NXN: variants seen among roughly 807,000 people sequenced by gnomAD.
NXN encodes nucleoredoxin.
Under a neutral mutation model 48.6 loss-of-function variants are expected in NXN, and 16 were observed. The ratio of observed to expected loss-of-function variants is 0.33; its 90% confidence interval spans 0.22 to 0.50. The LOEUF (loss-of-function observed/expected upper bound fraction) is 0.50, where lower values mean the gene tolerates loss of function less well. Ranked by LOEUF, NXN falls within the 20% of genes least tolerant of loss-of-function variation. The probability of loss-of-function intolerance (pLI) is 0.98; values close to 1 mark genes in which losing one functional copy is unlikely to be tolerated. For synonymous variants in NXN, 281 were observed against 269.6 expected, an observed-to-expected ratio of 1.04 and a Z score of -0.41; for missense variants, 492 against 605.5, an observed-to-expected ratio of 0.81 and a Z score of 1.97.
At chr17:970,623 C>G (rs1344359252) in intron 1 of NXN, among the ~76,000 whole-genome samples, 1 of 152,160 alleles carries the variant, frequency 6.6e-6, no homozygotes, top group Non-Finnish European at 1.5e-5. Context: ...GCTTGCTGCT[C>G]CTCCTCCTCC....
intron 1 of NXN, among the ~76,000 whole-genome samples, chr17:895,882 C>G (rs1019484972): frequency 5.9e-5 from 9 of 152,022 alleles, no homozygotes; most frequent in African/African-American, 2.2e-4. Flanking sequence ...TAGTATCTTC[C>G]AAGGTGAATC....
chr17:840,094 CA>C (rs202070104), intron 1 of NXN, among the ~76,000 whole-genome samples: 40,949 of 127,792 alleles, frequency 0.32, 5,689 homozygotes, highest in Middle Eastern at 0.4. Flanking sequence ...GAGACTGTCT[CA>C]AAAAAAAAAA....
At chr17:970,135 T>C (rs1349796933) in intron 1 of NXN, among the ~76,000 whole-genome samples, 2 of 152,336 alleles carry the variant, frequency 1.3e-5, no homozygotes, top group African/African-American at 4.8e-5. Flanking sequence ...TTACGTTTGC[T>C]TTTAATCACG....
chr17:826,460 C>A (rs577723919), intron 1 of NXN, among the ~76,000 whole-genome samples: 1 of 152,152 alleles, frequency 6.6e-6, no homozygotes, highest in African/African-American at 2.4e-5. Flanking sequence ...TACCCTTCCA[C>A]GTCTCTAAAA....
intron 1 of NXN, among the ~76,000 whole-genome samples, chr17:909,230 TTTTG>T (rs2068610944): frequency 1.3e-5 from 2 of 152,176 alleles, no homozygotes. Context: ...ACATCTTGGG[TTTTG>T]TTTTTCACTT....
At chr17:878,563 T>C (rs866031609) in intron 1 of NXN, among the ~76,000 whole-genome samples, 1 of 150,274 alleles carries the variant, frequency 6.7e-6, no homozygotes, top group Admixed American at 6.6e-5. Context: ...CCAGGGAGTT[T>C]GGGTTGGATC....
At chr17:814,215 C>T (rs908754109) in intron 5 of NXN, among the ~76,000 whole-genome samples, 1 of 151,850 alleles carries the variant, frequency 6.6e-6, no homozygotes, top group African/African-American at 2.4e-5. Context: ...GCAGAGATTG[C>T]GCCACTGCAC....
intron 1 of NXN, among the ~76,000 whole-genome samples, chr17:858,769 C>T (rs887535384): frequency 6.6e-6 from 1 of 152,066 alleles, no homozygotes; most frequent in African/African-American, 2.4e-5. Flanking sequence ...AAGAAAACAG[C>T]CCTACGGCTT....
At chr17:806,131 C>T (rs1194876137) in intron 5 of NXN, among the ~76,000 whole-genome samples, 1 of 150,748 alleles carries the variant, frequency 6.6e-6, no homozygotes, top group Non-Finnish European at 1.5e-5. Flanking sequence ...GTCTGCACCC[C>T]AGCCCTCCCC....
rs1385501340 is a variant in NXN, at chr17:854,419, C to T, written c.361-28341G>A. On this transcript the variant is annotated intron_variant, in intron 1 of 7. Coordinates refer to ENST00000336868, the MANE Select transcript of NXN (RefSeq NM_022463.5). ...ATCCCAGCACTTTGGGAGGCTGAGG[C>T]GGGCGGATCACAAGGTCAGGAGACT... Among the ~76,000 whole-genome samples the T allele has an allele frequency of 4.5e-5, 6 of 132,924 alleles. No homozygotes were observed. The East Asian group carries it at 7.0e-4, about 16-fold the overall frequency. The allele number at this position is 132,924 out of a possible 152,430, so 87.2% of individuals were successfully genotyped here. A position where few individuals can be genotyped will look rare whatever the true frequency, so the allele number is the denominator to read the frequency against.
intron 1 of NXN, chr17:897,025 G>A: frequency 1.8e-6 from 2 of 1,096,816 alleles, no homozygotes; most frequent in Non-Finnish European, 2.2e-6. Context: ...GGAAACTCCG[G>A]CGTGCCTAAC....
intron 1 of NXN, among the ~76,000 whole-genome samples, chr17:898,388 A>AAGC (rs1168769848): frequency 0.18 from 4,677 of 26,162 alleles, 1,654 homozygotes; most frequent in Non-Finnish European, 0.43. Flanking sequence ...TTACCTACTA[A>AAGC]TTCCCACTCT....
intron 1 of NXN, among the ~76,000 whole-genome samples, chr17:970,945 C>CTT (rs398058506): frequency 0.023 from 3,095 of 133,974 alleles, 148 homozygotes; most frequent in African/African-American, 0.08. Flanking sequence ...ATATGAGACT[C>CTT]TTTTTTTTTT....
At chr17:971,417 G>A (rs1235664826) in intron 1 of NXN, among the ~76,000 whole-genome samples, 2 of 151,582 alleles carry the variant, frequency 1.3e-5, no homozygotes, top group African/African-American at 4.8e-5. Context: ...CACTCATTGA[G>A]AAACAAAAAC....
intron 1 of NXN, among the ~76,000 whole-genome samples, chr17:889,946 C>A (rs1329829361): frequency 6.6e-6 from 1 of 152,106 alleles, no homozygotes; most frequent in Non-Finnish European, 1.5e-5. Flanking sequence ...AGATCACGTA[C>A]CCCCACTCAC....
rs971533135 is a variant in NXN, at chr17:799,622, T to C, written c.*1327A>G. 1 of 151,988 alleles carries C rather than the reference T, an allele frequency of 6.6e-6. No homozygotes were observed. The highest frequency in any genetic ancestry group is 2.4e-5 in the African/African-American group (1 of 41,352). The allele number at this position is 151,988 out of a possible 1,614,324, so 9.4% of individuals were successfully genotyped here. A position where few individuals can be genotyped will look rare whatever the true frequency, so the allele number is the denominator to read the frequency against. On this transcript the variant is annotated 3_prime_UTR_variant, in exon 8 of 8. Transcript: ENST00000336868. ...TCCATCCCCAATCCTGAGAACAGAG[T>C]TGTCTGTTTCTCTTTCGGGGGTCAG...
chr17:818,730 A>C (rs1361769789), intron 5 of NXN, among the ~76,000 whole-genome samples: 1 of 151,980 alleles, frequency 6.6e-6, no homozygotes, highest in Admixed American at 6.6e-5. Context: ...CTAAAAATAC[A>C]AAAAATTTAG....
intron 5 of NXN, among the ~76,000 whole-genome samples, chr17:809,882 GT>G (rs1786077153): frequency 2.4e-4 from 36 of 147,580 alleles, no homozygotes; most frequent in Non-Finnish European, 3.7e-4. Flanking sequence ...TGTGAGTGGC[GT>G]GTACGTTAAG....
At chr17:853,825 G>C (rs1298750800) in intron 1 of NXN, among the ~76,000 whole-genome samples, 3 of 150,556 alleles carry the variant, frequency 2.0e-5, no homozygotes, top group African/African-American at 7.4e-5. Context: ...CCGGGTTCAA[G>C]TGATTCTCCT....
Sources: allele counts gnomAD v4.1 joint callset (sites outside exome capture counted in the v4.1 genomes callset), GRCh38; gene constraint gnomAD v4.1.1; transcripts MANE v1.5; gene names NCBI Gene and HGNC (gene_info 2026-07-23, HGNC 2026-07-21).